The following SV2C variants were observed in gnomAD, a reference collection of about 807,000 sequenced individuals.
SV2C encodes synaptic vesicle glycoprotein 2C.
A neutral mutation model predicts 79.7 loss-of-function variants in SV2C; 49 were observed. The ratio of observed to expected loss-of-function variants is 0.61; its 90% CI spans 0.49 to 0.78. The LOEUF (loss-of-function observed/expected upper bound fraction) is 0.78. Among genes scored for constraint, SV2C ranks in the 30% least tolerant of loss-of-function variants. SV2C has a pLI of 0.00. For missense variants in SV2C, 833 were observed against 912.9 expected (o/e 0.91, Z 1.13); for synonymous variants, 334 against 333.2 (o/e 1.00, Z -0.03).
the SV2C span, among the ~76,000 whole-genome samples, chr5:75,905,941 G>C: frequency 6.8e-6 from 1 of 147,928 alleles, no homozygotes; most frequent in Non-Finnish European, 1.5e-5. Context: ...TACTAGATAG[G>C]GTGGGTCCTA....
chr5:76,302,623 T>C (rs1580051214), intron 12 of SV2C, among the ~76,000 whole-genome samples: 2 of 87,764 alleles, frequency 2.3e-5, no homozygotes, highest in African/African-American at 4.7e-5. Context: ...AGAGTGAGAC[T>C]CCATCTCAAA....
At position 76,328,441 on chromosome 5, in the gene SV2C, A is replaced by C. The variant is rs1224458641; in HGVS notation, c.*2894A>C. On this transcript the variant is annotated 3_prime_UTR_variant, in exon 13 of 13. Coordinates refer to ENST00000502798, the MANE Select transcript of SV2C (RefSeq NM_014979.4). ...GTAGGGAAAAACAAACAACTGCTTC[A>C]AACTGTGAATTCTGTATGTACCACA... 4 of 152,222 alleles carry C rather than the reference A, an allele frequency of 2.6e-5. No individual in the cohort carries two copies. 9.4% of individuals were successfully genotyped at this position (152,222 alleles called of 1,614,324 possible).
the SV2C span, among the ~76,000 whole-genome samples, chr5:75,973,285 C>G: frequency 6.6e-6 from 1 of 151,710 alleles, no homozygotes; most frequent in Non-Finnish European, 1.5e-5. Context: ...TGTAACAAAC[C>G]TGCATGTTGT....
the SV2C span, among the ~76,000 whole-genome samples, chr5:76,006,158 AG>A: frequency 6.6e-6 from 1 of 152,178 alleles, no homozygotes; most frequent in Admixed American, 6.6e-5. Context: ...TCTTGGTTAC[AG>A]AAAGCTGAAC....
the SV2C span, chr5:75,910,970 G>T: frequency 1.5e-5 from 14 of 919,012 alleles, no homozygotes; most frequent in Non-Finnish European, 2.3e-5. Flanking sequence ...TTATCCCCCA[G>T]TTCGAACATC....
At chr5:75,921,321 T>A in the SV2C span, 1 of 1,278,772 alleles carries the variant, frequency 7.8e-7, no homozygotes, top group East Asian at 2.3e-5. Context: ...AGGTGCTGGC[T>A]GGTGGAGCTC....
chr5:75,984,612 TATCTATCTATCA>T, the SV2C span, among the ~76,000 whole-genome samples: 1 of 146,382 alleles, frequency 6.8e-6, no homozygotes, highest in Admixed American at 6.9e-5. Flanking sequence ...TCTATCTATC[TATCTATCTATCA>T]TCTATCTGTC....
chr5:76,049,123 G>A, the SV2C span, among the ~76,000 whole-genome samples: 21 of 152,028 alleles, frequency 1.4e-4, no homozygotes, highest in African/African-American at 4.8e-4. Context: ...GGATCACGAG[G>A]TCAAGAGATG....
At chr5:76,105,877 G>A (rs904799122) in intron 1 of SV2C, among the ~76,000 whole-genome samples, 7 of 151,994 alleles carry the variant, frequency 4.6e-5, no homozygotes, top group African/African-American at 1.7e-4. Flanking sequence ...CTGTGATCCG[G>A]GGAGCAATCT....
the SV2C span, among the ~76,000 whole-genome samples, chr5:76,071,446 A>T: frequency 6.6e-6 from 1 of 152,210 alleles, no homozygotes; most frequent in Non-Finnish European, 1.5e-5. Flanking sequence ...GTACCCAGAA[A>T]CCAAACTTGG....
At chr5:75,981,397 C>G in the SV2C span, among the ~76,000 whole-genome samples, 1 of 152,154 alleles carries the variant, frequency 6.6e-6, no homozygotes, top group Non-Finnish European at 1.5e-5. Flanking sequence ...CAAAAAAGAG[C>G]CTGAGTAGCC....
chr5:76,023,706 A>T, the SV2C span, among the ~76,000 whole-genome samples: 1 of 54,554 alleles, frequency 1.8e-5, no homozygotes, highest in African/African-American at 1.4e-4. Context: ...ATATGTATGT[A>T]TGTTTGTTCA....
chr5:76,206,550 T>G (rs950707014), intron 3 of SV2C, among the ~76,000 whole-genome samples: 1 of 152,176 alleles, frequency 6.6e-6, no homozygotes, highest in Non-Finnish European at 1.5e-5. Flanking sequence ...GAAAGTGAGG[T>G]GTATCTTTCT....
the SV2C span, among the ~76,000 whole-genome samples, chr5:75,965,737 GT>G: frequency 6.6e-6 from 1 of 151,714 alleles, no homozygotes; most frequent in African/African-American, 2.4e-5. Flanking sequence ...TCTAGATTGA[GT>G]TTTTTTTATT....
chr5:75,905,915 A>G, the SV2C span, among the ~76,000 whole-genome samples: 1 of 148,324 alleles, frequency 6.7e-6, no homozygotes, highest in Admixed American at 6.8e-5. Flanking sequence ...GTATTTAATT[A>G]GTTAAGATGA....
chr5:76,149,192 A>G (rs1244190066), intron 2 of SV2C, among the ~76,000 whole-genome samples: 1 of 152,186 alleles, frequency 6.6e-6, no homozygotes, highest in Non-Finnish European at 1.5e-5. Flanking sequence ...TTTAATCAGA[A>G]TCACATCCAA....
At chr5:76,170,172 T>C (rs1353056089) in intron 2 of SV2C, among the ~76,000 whole-genome samples, 1 of 149,926 alleles carries the variant, frequency 6.7e-6, no homozygotes, top group East Asian at 2.0e-4. Flanking sequence ...GGTTGGTCAA[T>C]TTAAATACTG....
At chr5:76,224,583 C>T (rs1056148750) in intron 4 of SV2C, among the ~76,000 whole-genome samples, 1 of 152,124 alleles carries the variant, frequency 6.6e-6, no homozygotes, top group African/African-American at 2.4e-5. Flanking sequence ...TGTAATTGTT[C>T]CCCAGATTTC....
At chr5:75,958,262 T>G in the SV2C span, among the ~76,000 whole-genome samples, 1 of 151,966 alleles carries the variant, frequency 6.6e-6, no homozygotes, top group Non-Finnish European at 1.5e-5. Flanking sequence ...ATTGTGATGA[T>G]TAATTTTCTG....
Sources: allele counts gnomAD v4.1 joint callset (sites outside exome capture counted in the v4.1 genomes callset), GRCh38; gene constraint gnomAD v4.1.1; transcripts MANE v1.5; gene names NCBI Gene and HGNC (gene_info 2026-07-23, HGNC 2026-07-21).